Variants in HHAT observed in about 807,000 individuals in gnomAD.
HHAT encodes hedgehog acyltransferase.
Under a neutral mutation model 70.8 loss-of-function variants are expected in HHAT, and 47 were observed. The observed-to-expected ratio is 0.66, with a 90% confidence interval of 0.53 to 0.85. HHAT has a LOEUF of 0.85. Among genes scored for constraint, HHAT ranks in the 40% least tolerant of loss-of-function variants. The probability of loss-of-function intolerance (pLI) is 0.00; values close to 1 mark genes in which losing one functional copy is unlikely to be tolerated. For synonymous variants in HHAT, 228 were observed against 247.6 expected, an observed-to-expected ratio of 0.92 and a Z score of 0.74; for missense variants, 609 against 604.8, an observed-to-expected ratio of 1.01 and a Z score of -0.07.
chr1:210,572,115 A>G (rs1420870709), intron 9 of HHAT, among the ~76,000 whole-genome samples: 1 of 152,174 alleles, frequency 6.6e-6, no homozygotes, highest in Non-Finnish European at 1.5e-5. Context: ...ATTTATTGTC[A>G]TTCATGCCCA....
At chr1:210,658,735 GTC>G (rs1677002883) in intron 11 of HHAT, among the ~76,000 whole-genome samples, 1 of 152,194 alleles carries the variant, frequency 6.6e-6, no homozygotes, top group African/African-American at 2.4e-5. Flanking sequence ...ACAACGAACT[GTC>G]TCTCAGACCA....
At chr1:210,524,799 G>A (rs564068978) in intron 9 of HHAT, among the ~76,000 whole-genome samples, 1 of 152,234 alleles carries the variant, frequency 6.6e-6, no homozygotes, top group South Asian at 2.1e-4. Context: ...CTACTCGGGG[G>A]TTTCTCAAAC....
intron 4 of HHAT, among the ~76,000 whole-genome samples, chr1:210,389,122 T>C (rs1413310895): frequency 1.3e-5 from 2 of 152,052 alleles, no homozygotes; most frequent in African/African-American, 2.4e-5. Context: ...AATGAACTTA[T>C]TTAGTAATTT....
chr1:210,374,993 G>T (rs1385894693), intron 3 of HHAT, among the ~76,000 whole-genome samples: 1 of 151,576 alleles, frequency 6.6e-6, no homozygotes, highest in Admixed American at 6.5e-5. Context: ...GAACCTGATG[G>T]TTAGCTCCCC....
intron 10 of HHAT, among the ~76,000 whole-genome samples, chr1:210,593,020 C>G (rs1049297175): frequency 5.3e-5 from 8 of 152,038 alleles, no homozygotes; most frequent in Non-Finnish European, 1.2e-4. Flanking sequence ...CTAATGCTAT[C>G]CCTCCCCGCT....
chr1:210,407,265 C>CTGAATGAATGCT (rs2148225032), intron 6 of HHAT, among the ~76,000 whole-genome samples: 1 of 152,298 alleles, frequency 6.6e-6, no homozygotes, highest in African/African-American at 2.4e-5. Context: ...AAGATTTGCT[C>CTGAATGAATGCT]TGAATGAATG....
At chr1:210,446,198 TG>T (rs1324976928) in intron 7 of HHAT, among the ~76,000 whole-genome samples, 1 of 152,118 alleles carries the variant, frequency 6.6e-6, no homozygotes, top group African/African-American at 2.4e-5. Flanking sequence ...AAAAGACAAC[TG>T]GGGCCTCACG....
chr1:210,506,971 T>C (rs963860238), intron 8 of HHAT, among the ~76,000 whole-genome samples: 1 of 152,250 alleles, frequency 6.6e-6, no homozygotes, highest in African/African-American at 2.4e-5. Flanking sequence ...CCCTTTAGGC[T>C]CTATTCTCCC....
Position 210,370,188 on chromosome 1 carries a change from T to TTC in HHAT, c.159+7270_159+7271dup, listed in dbSNP as rs1342545861. On this transcript the variant is annotated intron_variant, in intron 3 of 11. Coordinates refer to ENST00000261458, the MANE Select transcript of HHAT (RefSeq NM_018194.6). ...CTTTTTTTTTTTTTTTTTTTTTTTT[T>TTC]TCCTGAATGCAGAGTCTCACTGTGT... is the stretch of plus-strand genomic sequence containing the variant. 3.9e-5 allele frequency among the ~76,000 whole-genome samples: 5 copies of TTC among 128,268 alleles called. No homozygotes were observed. In the East Asian group the frequency reaches 1.1e-3, roughly 29 times the overall value. 84.1% of individuals were successfully genotyped at this position (128,268 alleles called of 152,430 possible). A position where few individuals can be genotyped will look rare whatever the true frequency, so the allele number is the denominator to read the frequency against.
intron 9 of HHAT, among the ~76,000 whole-genome samples, chr1:210,515,784 T>C (rs1321997424): frequency 1.4e-5 from 2 of 145,980 alleles, no homozygotes; most frequent in African/African-American, 5.1e-5. Flanking sequence ...AAAAGTATTT[T>C]CAGCCAGGTG....
chr1:210,410,589 C>A (rs537954898), intron 6 of HHAT, among the ~76,000 whole-genome samples: 4 of 142,250 alleles, frequency 2.8e-5, no homozygotes, highest in African/African-American at 1.1e-4. Flanking sequence ...TGCAGTGGCA[C>A]GATCTTGGCT....
intron 2 of HHAT, among the ~76,000 whole-genome samples, chr1:210,360,004 G>A (rs971179005): frequency 6.6e-6 from 1 of 152,162 alleles, no homozygotes; most frequent in African/African-American, 2.4e-5. Flanking sequence ...TAAATCTGCT[G>A]TATCTAGGCA....
chr1:210,607,190 G>A (rs1022580001), intron 10 of HHAT, among the ~76,000 whole-genome samples: 3 of 151,774 alleles, frequency 2.0e-5, no homozygotes, highest in African/African-American at 7.3e-5. Flanking sequence ...TGTATAAATG[G>A]CTTTCATCTC....
chr1:210,479,472 G>A (rs2501894), intron 8 of HHAT, among the ~76,000 whole-genome samples: 25,503 of 152,150 alleles, frequency 0.17, 2,357 homozygotes, highest in East Asian at 0.43. Context: ...TGTTGGTTCA[G>A]TAGATTAGTC....
chr1:210,428,316 AT>A (rs2093135048), intron 7 of HHAT, among the ~76,000 whole-genome samples: 1 of 39,344 alleles, frequency 2.5e-5, no homozygotes, highest in African/African-American at 7.7e-5. Flanking sequence ...ATATATATAT[AT>A]ATATATATAT....
In HHAT at chr1:210,386,230, C is replaced by CTTTTTTTTTTTTTTTTTTTTT. The variant is rs869305965; in HGVS notation, c.160-1232_160-1212dup. Among the ~76,000 whole-genome samples the CTTTTTTTTTTTTTTTTTTTTT allele has an allele frequency of 1.6e-4, 11 of 69,924 alleles. 2 individuals carry two copies. Among genetic ancestry groups the CTTTTTTTTTTTTTTTTTTTTT allele is most frequent in the African/African-American group, 6.9e-4 (11 of 16,046 alleles). The allele number at this position is 69,924 out of a possible 152,430, so 45.9% of individuals were successfully genotyped here. Reference sequence around the variant, plus strand: ...ATTGCAGGAGTCCTTTTCTTTTTTTCTTTTTTTTTTTTTTTTTTTTTTTTT... The same window carrying CTTTTTTTTTTTTTTTTTTTTT: ...ATTGCAGGAGTCCTTTTCTTTTTTTCTTTTTTTTTTTTTTTTTTTTTTTTTTTTTTTTTTTTTTTTTTTTTT... On this transcript the variant is annotated intron_variant, in intron 3 of 11. Transcript: ENST00000261458.
At chr1:210,399,208 A>G (rs556828546) in intron 4 of HHAT, among the ~76,000 whole-genome samples, 83 of 152,336 alleles carry the variant, frequency 5.4e-4, no homozygotes, top group Admixed American at 5.2e-3. Flanking sequence ...CTGTATTTGT[A>G]GAGTCCTTCC....
At chr1:210,403,929 G>A (rs1455666398) in intron 5 of HHAT, among the ~76,000 whole-genome samples, 1 of 82,926 alleles carries the variant, frequency 1.2e-5, no homozygotes, top group African/African-American at 6.0e-5. Context: ...TGAGGGCAGG[G>A]ACTTTTTTTT....
chr1:210,481,143 G>A (rs1237365930), intron 8 of HHAT, among the ~76,000 whole-genome samples: 4 of 151,648 alleles, frequency 2.6e-5, no homozygotes, highest in Admixed American at 2.0e-4. Context: ...GGGACTTGGA[G>A]TTCTGGGGGA....
Sources: allele counts gnomAD v4.1 joint callset (sites outside exome capture counted in the v4.1 genomes callset), GRCh38; gene constraint gnomAD v4.1.1; transcripts MANE v1.5; gene names NCBI Gene and HGNC (gene_info 2026-07-23, HGNC 2026-07-21).